MAN1C1: variants seen among roughly 807,000 people sequenced by gnomAD.
MAN1C1 encodes mannosidase alpha class 1C member 1.
MAN1C1 carries 49 observed loss-of-function variants against 71.5 expected under a neutral mutation model. The observed-to-expected ratio is 0.69, with a 90% CI of 0.54 to 0.87. The LOEUF (loss-of-function observed/expected upper bound fraction) is 0.87, where lower values mean the gene tolerates loss of function less well. Among genes scored for constraint, MAN1C1 ranks in the 40% least tolerant of loss-of-function variants. MAN1C1 has a pLI of 0.00. For missense variants in MAN1C1, 743 were observed against 835.0 expected, an observed-to-expected ratio of 0.89 and a Z score of 1.36; for synonymous variants, 352 against 343.7, an observed-to-expected ratio of 1.02 and a Z score of -0.27.
intron 2 of MAN1C1, among the ~76,000 whole-genome samples, chr1:25,709,402 A>G (rs2046572241): frequency 6.6e-6 from 1 of 152,334 alleles, no homozygotes; most frequent in Non-Finnish European, 1.5e-5. Flanking sequence ...ATGTCTGCAG[A>G]AGCAATGAAT....
chr1:25,677,247 G>A (rs886543375), intron 1 of MAN1C1, among the ~76,000 whole-genome samples: 2 of 152,198 alleles, frequency 1.3e-5, no homozygotes, highest in Non-Finnish European at 2.9e-5. Context: ...GGCTCTGCCT[G>A]TATCTCTCTA....
chr1:25,722,212 C>G (rs1013039529), intron 2 of MAN1C1, among the ~76,000 whole-genome samples: 14 of 152,306 alleles, frequency 9.2e-5, no homozygotes, highest in South Asian at 6.2e-4. Flanking sequence ...AGGGCGTACT[C>G]TTTGTCCTCA....
rs59710145 is a variant in MAN1C1, at chr1:25,656,095, C to CTTTTTTTT, written c.541-30330_541-30323dup. Among the ~76,000 whole-genome samples the CTTTTTTTT allele has an allele frequency of 8.9e-3, 666 of 74,950 alleles. 162 individuals are homozygous for CTTTTTTTT. Among genetic ancestry groups the CTTTTTTTT allele is most frequent in the African/African-American group, 0.049 (595 of 12,182 alleles). 49.2% of individuals were successfully genotyped at this position (74,950 alleles called of 152,430 possible). A position where few individuals can be genotyped will look rare whatever the true frequency, so the allele number is the denominator to read the frequency against. On this transcript the variant is annotated intron_variant, in intron 1 of 11. Coordinates refer to ENST00000374332, the MANE Select transcript of MAN1C1 (RefSeq NM_020379.4). The stretch of plus-strand genomic sequence containing the variant: ...TATGTCTTAGGTTGGGATTATCAGT[C>CTTTTTTTT]TTTTTTTTTTTTTTTTTTTTTTGAG...
intron 2 of MAN1C1, among the ~76,000 whole-genome samples, chr1:25,723,205 C>T (rs2046790040): frequency 6.6e-6 from 1 of 152,242 alleles, no homozygotes; most frequent in Admixed American, 6.5e-5. Flanking sequence ...CCCTGTGCCT[C>T]AGCCAGGCAT....
chr1:25,676,004 C>T (rs2046061742), intron 1 of MAN1C1, among the ~76,000 whole-genome samples: 1 of 152,178 alleles, frequency 6.6e-6, no homozygotes. Flanking sequence ...GCTACAGATT[C>T]AGCAGGTGGG....
chr1:25,765,864 TA>T (rs1314287749), intron 7 of MAN1C1, among the ~76,000 whole-genome samples: 6 of 152,088 alleles, frequency 3.9e-5, no homozygotes, highest in African/African-American at 1.4e-4. Context: ...AAAAACCACT[TA>T]GAGAAATGCA....
intron 2 of MAN1C1, among the ~76,000 whole-genome samples, chr1:25,698,029 C>G (rs2046389977): frequency 6.6e-6 from 1 of 152,224 alleles, no homozygotes; most frequent in Non-Finnish European, 1.5e-5. Flanking sequence ...GAGATGGTCC[C>G]TGCTCTTCCT....
At chr1:25,747,161 G>C (rs1447505374) in intron 3 of MAN1C1, among the ~76,000 whole-genome samples, 1 of 152,196 alleles carries the variant, frequency 6.6e-6, no homozygotes, top group Admixed American at 6.5e-5. Context: ...GAGGGGGGAC[G>C]TGGCTCATCT....
chr1:25,658,387 G>A (rs766237099), intron 1 of MAN1C1, among the ~76,000 whole-genome samples: 2 of 152,172 alleles, frequency 1.3e-5, no homozygotes, highest in Non-Finnish European at 2.9e-5. Flanking sequence ...GAGGCTTCAT[G>A]GGGAGTGAAG....
intron 2 of MAN1C1, among the ~76,000 whole-genome samples, chr1:25,744,072 G>A (rs2047095874): frequency 6.6e-6 from 1 of 152,186 alleles, no homozygotes; most frequent in South Asian, 2.1e-4. Context: ...AGGGGCAGCA[G>A]GATCCCCCAG....
intron 4 of MAN1C1, among the ~76,000 whole-genome samples, chr1:25,751,628 TC>T (rs932175259): frequency 1.3e-5 from 2 of 152,220 alleles, no homozygotes; most frequent in African/African-American, 4.8e-5. Context: ...GGCCACACCT[TC>T]CTGATCTATC....
intron 2 of MAN1C1, among the ~76,000 whole-genome samples, chr1:25,727,784 G>A (rs562102477): frequency 6.6e-6 from 1 of 152,314 alleles, no homozygotes; most frequent in East Asian, 1.9e-4. Flanking sequence ...ATCCATCCTG[G>A]GCCCCTGGCC....
At chr1:25,751,781 G>A (rs370343757) in intron 4 of MAN1C1, among the ~76,000 whole-genome samples, 21 of 152,314 alleles carry the variant, frequency 1.4e-4, no homozygotes, top group African/African-American at 4.6e-4. Context: ...AACTGGCTCC[G>A]GGTCGCACAG....
At chr1:25,768,266 CAT>C (rs2047480835) in intron 7 of MAN1C1, among the ~76,000 whole-genome samples, 1 of 2,862 alleles carries the variant, frequency 3.5e-4, no homozygotes, top group Non-Finnish European at 8.0e-4. Flanking sequence ...CCCTCACACA[CAT>C]CACATACATC....
At chr1:25,751,852 G>A (rs1203975040) in intron 4 of MAN1C1, among the ~76,000 whole-genome samples, 1 of 152,166 alleles carries the variant, frequency 6.6e-6, no homozygotes, top group Non-Finnish European at 1.5e-5. Flanking sequence ...ATGGGCCTGG[G>A]TCACAGCTTG....
rs1393755338 is a variant in MAN1C1, at chr1:25,634,471, G to C, written c.540+16134G>C. On this transcript the variant is annotated intron_variant, in intron 1 of 11. Transcript: ENST00000374332. This position sits in a 1 kb window ranked among gnomAD's most constrained non-coding sequence, Gnocchi z 4.6. ...GTCACATGCTTTTTCTGCATCTATG[G>C]AGATTATATTGTTTTCCTCTTTAAT... 6.6e-6 allele frequency among the ~76,000 whole-genome samples: 1 copy of C among 152,082 alleles called. No individual in the cohort carries two copies. The highest frequency in any genetic ancestry group is 1.5e-5 in the Non-Finnish European group (1 of 68,018).
chr1:25,740,478 C>A (rs1254429819), intron 2 of MAN1C1, among the ~76,000 whole-genome samples: 1 of 151,924 alleles, frequency 6.6e-6, no homozygotes, highest in Non-Finnish European at 1.5e-5. Context: ...GCTCTGTCAC[C>A]CAGGTTGAAG....
rs1004399046 is a variant in MAN1C1, at chr1:25,776,837, G to A, written c.1258-1268G>A. Among the ~76,000 whole-genome samples the A allele has an allele frequency of 1.3e-5, 2 of 152,140 alleles. No homozygotes were observed. Among genetic ancestry groups the A allele is most frequent in the African/African-American group, 4.8e-5 (2 of 41,408 alleles). On this transcript the variant is annotated intron_variant, in intron 8 of 11. Transcript: ENST00000374332. This position sits in a 1 kb window ranked among gnomAD's most constrained non-coding sequence, Gnocchi z 4.3. ...ATCATAGGGGTCAGTAATTAGTGGG[G>A]ACTCGCTCTGTGCTGGGAAATAGGC...
intron 2 of MAN1C1, among the ~76,000 whole-genome samples, chr1:25,724,380 C>T (rs895944700): frequency 3.3e-5 from 5 of 152,118 alleles, no homozygotes; most frequent in African/African-American, 9.7e-5. Flanking sequence ...AGCTGACTGT[C>T]GGATGATCTA....
Sources: gnomAD v4.1 joint callset for allele counts (sites outside exome capture counted in the v4.1 genomes callset) on GRCh38, gnomAD v4.1.1 for gene constraint, Gnocchi (gnomAD v3.1) non-coding constraint, MANE v1.5 for transcripts, NCBI Gene and HGNC (gene_info 2026-07-23, HGNC 2026-07-21) for gene names.